EPB41L5: variants seen among roughly 807,000 people sequenced by gnomAD.
The protein encoded by EPB41L5 is band 4.1-like protein 5.
In EPB41L5, 55 loss-of-function variants were observed where a neutral mutation model predicts 106.6. The observed-to-expected ratio is 0.52, with a 90% CI of 0.42 to 0.65. EPB41L5 has a LOEUF of 0.65. Ranked by LOEUF, EPB41L5 falls within the 30% of genes least tolerant of loss-of-function variation. The pLI is 0.00. For missense variants in EPB41L5, 871 were observed against 882.1 expected (o/e 0.99, Z 0.16); for synonymous variants, 297 against 306.7 (o/e 0.97, Z 0.33).
intron 3 of EPB41L5, among the ~76,000 whole-genome samples, chr2:120,051,825 C>T (rs901260845): frequency 2.2e-5 from 2 of 90,696 alleles, no homozygotes; most frequent in Non-Finnish European, 5.7e-5. Context: ...GAACCTCCTG[C>T]ATTGTTTTGT....
chr2:120,062,208 A>G (rs1216978109), intron 3 of EPB41L5, among the ~76,000 whole-genome samples: 2 of 152,232 alleles, frequency 1.3e-5, no homozygotes, highest in Non-Finnish European at 2.9e-5. Context: ...AACTGAGAAC[A>G]CAATAGGATT....
At chr2:120,048,295 T>A (rs1679965512) in intron 3 of EPB41L5, among the ~76,000 whole-genome samples, 2 of 152,084 alleles carry the variant, frequency 1.3e-5, no homozygotes, top group South Asian at 4.1e-4. Context: ...GTCCTGGGCT[T>A]TTTTTTGGTT....
intron 3 of EPB41L5, among the ~76,000 whole-genome samples, chr2:120,046,815 T>A (rs1014623173): frequency 6.6e-6 from 1 of 152,238 alleles, no homozygotes; most frequent in Non-Finnish European, 1.5e-5. Flanking sequence ...AAGTCTTTAA[T>A]CCATCTTGAA....
intron 13 of EPB41L5, among the ~76,000 whole-genome samples, chr2:120,092,121 C>A (rs1198711437): frequency 6.6e-6 from 1 of 151,990 alleles, no homozygotes; most frequent in African/African-American, 2.4e-5. Context: ...CTCCACCTCC[C>A]AGATTCAAGT....
intron 13 of EPB41L5, among the ~76,000 whole-genome samples, chr2:120,092,365 C>T (rs1007515730): frequency 1.3e-5 from 2 of 152,028 alleles, no homozygotes; most frequent in African/African-American, 4.8e-5. Flanking sequence ...AAATTTATTT[C>T]ATATTGTATT....
intron 11 of EPB41L5, among the ~76,000 whole-genome samples, chr2:120,090,103 GTC>G (rs940670727): frequency 2.0e-5 from 3 of 151,574 alleles, no homozygotes; most frequent in Non-Finnish European, 4.4e-5. Context: ...CTCATTTTAT[GTC>G]TCTCTCACAA....
intron 22 of EPB41L5, among the ~76,000 whole-genome samples, chr2:120,165,480 A>G (rs1412558698): frequency 6.6e-6 from 1 of 152,208 alleles, no homozygotes; most frequent in Admixed American, 6.5e-5. Flanking sequence ...ATGCTGGTAA[A>G]CAGTTGTTAT....
intron 2 of EPB41L5, among the ~76,000 whole-genome samples, chr2:120,024,876 C>G (rs1010717870): frequency 6.6e-6 from 1 of 152,172 alleles, no homozygotes; most frequent in Non-Finnish European, 1.5e-5. Context: ...GGTGGATGAG[C>G]TTTTTGATGT....
intron 16 of EPB41L5, among the ~76,000 whole-genome samples, chr2:120,103,709 T>C (rs1214816941): frequency 6.6e-6 from 1 of 152,212 alleles, no homozygotes; most frequent in Non-Finnish European, 1.5e-5. Context: ...AATATTTTTT[T>C]CTTCTGATTA....
At chr2:120,063,094 C>T (rs1681189817) in intron 3 of EPB41L5, among the ~76,000 whole-genome samples, 1 of 151,882 alleles carries the variant, frequency 6.6e-6, no homozygotes, top group African/African-American at 2.4e-5. Context: ...AATCCTAGCA[C>T]TTTGGAAGGC....
At chr2:120,022,470 G>A (rs1678005769) in intron 2 of EPB41L5, among the ~76,000 whole-genome samples, 1 of 152,138 alleles carries the variant, frequency 6.6e-6, no homozygotes, top group Non-Finnish European at 1.5e-5. Context: ...TGCTGAGAAT[G>A]ATGGTTTCCA....
In EPB41L5 at chr2:120,100,360, T is replaced by A. The variant is rs1025819414; in HGVS notation, c.1221+74T>A. The A allele has an allele frequency of 1.8e-5, 25 of 1,412,822 alleles. No individual in the cohort carries two copies. The African/African-American group carries it at 3.4e-4, about 19-fold the overall frequency. 87.5% of individuals were successfully genotyped at this position (1,412,822 alleles called of 1,614,324 possible). Reference sequence around the variant, plus strand: ...GTAACAGTAGTAGTATTGATTGGATTTTCATAGTGGTGTATGTAACCCTGC... The same window carrying A: ...GTAACAGTAGTAGTATTGATTGGATATTCATAGTGGTGTATGTAACCCTGC... On this transcript the variant is annotated intron_variant, in intron 15 of 24. Coordinates refer to ENST00000263713, the MANE Select transcript of EPB41L5 (RefSeq NM_020909.4).
chr2:120,118,205 T>A (rs1041015873), intron 16 of EPB41L5, among the ~76,000 whole-genome samples: 2 of 152,180 alleles, frequency 1.3e-5, no homozygotes, highest in African/African-American at 4.8e-5. Flanking sequence ...TGAAATCTAA[T>A]TTTGTTATTT....
At chr2:120,022,071 C>A (rs183485968) in intron 2 of EPB41L5, among the ~76,000 whole-genome samples, 3 of 152,028 alleles carry the variant, frequency 2.0e-5, no homozygotes, top group African/African-American at 7.2e-5. Flanking sequence ...TTTGAAAATA[C>A]GACAGTAAAC....
chr2:120,099,433 A>T (rs1278546820), intron 14 of EPB41L5, among the ~76,000 whole-genome samples: 27 of 144,058 alleles, frequency 1.9e-4, no homozygotes, highest in African/African-American at 5.1e-4. Context: ...TGAACTGAAA[A>T]TTTTTTTTTT....
At chr2:120,125,642 AAGG>A (rs1241318471) in intron 16 of EPB41L5, among the ~76,000 whole-genome samples, 1 of 152,194 alleles carries the variant, frequency 6.6e-6, no homozygotes, top group East Asian at 1.9e-4. Flanking sequence ...CTGGGGAAGT[AAGG>A]AGAAGAGTCA....
chr2:120,018,860 G>C (rs933969785), intron 1 of EPB41L5, among the ~76,000 whole-genome samples: 1 of 152,064 alleles, frequency 6.6e-6, no homozygotes, highest in Non-Finnish European at 1.5e-5. Flanking sequence ...TGCCCAGGCT[G>C]GTCTTGAACT....
rs1681784054 is a variant in EPB41L5, at chr2:120,070,468, C to T, written c.286-2710C>T. 2.6e-5 allele frequency among the ~76,000 whole-genome samples: 4 copies of T among 152,314 alleles called. No homozygotes were observed. The South Asian group carries it at 8.3e-4, about 32-fold the overall frequency. The stretch of plus-strand genomic sequence containing the variant: ...ACAATAGGAAAAGAGGGACGCCTCC[C>T]TAACTCATTTTATGAGGCCAGCATC... On this transcript the variant is annotated intron_variant, in intron 3 of 24. Coordinates refer to ENST00000263713, the MANE Select transcript of EPB41L5 (RefSeq NM_020909.4).
chr2:120,161,065 G>C, intron 21 of EPB41L5, 91 bp downstream of exon 21: 1 of 872,700 alleles, frequency 1.1e-6, no homozygotes, highest in South Asian at 1.4e-5. Flanking sequence ...TGATTACTGA[G>C]TGACACTGGG....
Sources: allele counts gnomAD v4.1 joint callset (sites outside exome capture counted in the v4.1 genomes callset), GRCh38; gene constraint gnomAD v4.1.1; transcripts MANE v1.5; gene names NCBI Gene and HGNC (gene_info 2026-07-23, HGNC 2026-07-21).